The following AGBL1 variants were observed in gnomAD, a reference collection of about 807,000 sequenced individuals.
AGBL1 encodes AGBL carboxypeptidase 1.
Under a neutral mutation model 118.9 loss-of-function variants are expected in AGBL1, and 130 were observed. That is an observed-to-expected ratio of 1.09 (90% CI 0.95 to 1.26). AGBL1 has a LOEUF of 1.26. AGBL1 is among the 50% of genes most tolerant of loss of function. AGBL1 has a pLI of 0.00. For missense variants in AGBL1, 1,584 were observed against 1,298.1 expected (o/e 1.22, Z -3.38); for synonymous variants, 555 against 478.9 (o/e 1.16, Z -2.08).
At chr15:86,348,769 C>A (rs138819041) in intron 17 of AGBL1, among the ~76,000 whole-genome samples, 84 of 122,660 alleles carry the variant, frequency 6.8e-4, no homozygotes, top group African/African-American at 2.8e-3. Context: ...CAGAGCGCGA[C>A]TGTCTCAAAA....
Position 86,195,733 on chromosome 15 carries a change from G to A in AGBL1, c.489-29181G>A, listed in dbSNP as rs534652369. ...ACTTTTGGCAAAACGTGGTTTAAAT[G>A]GCAACTAAACCACAGAGCAGGATAG... On this transcript the variant is annotated intron_variant, in intron 5 of 22. Transcript: ENST00000614907. Among the ~76,000 whole-genome samples, 6 of 152,220 alleles carry A rather than the reference G, an allele frequency of 3.9e-5. No individual in the cohort carries two copies. The South Asian group carries it at 1.2e-3, about 32-fold the overall frequency.
chr15:86,580,880 C>A (rs547608080), intron 21 of AGBL1, among the ~76,000 whole-genome samples: 1 of 152,010 alleles, frequency 6.6e-6, no homozygotes, highest in East Asian at 1.9e-4. Context: ...TGCTTTGAAG[C>A]CTTCATGCTT....
intron 18 of AGBL1, among the ~76,000 whole-genome samples, chr15:86,507,602 G>A (rs4435233): frequency 0.42 from 64,077 of 151,928 alleles, 14,804 homozygotes; most frequent in East Asian, 0.68. Context: ...TTGGAAAATA[G>A]AGGGTAATGA....
intron 18 of AGBL1, among the ~76,000 whole-genome samples, chr15:86,464,905 T>C (rs887370500): frequency 6.6e-6 from 1 of 152,144 alleles, no homozygotes; most frequent in African/African-American, 2.4e-5. Flanking sequence ...AATTTTCTTT[T>C]TCTTGGTGGT....
chr15:86,472,816 G>A (rs571606957), intron 18 of AGBL1, among the ~76,000 whole-genome samples: 65 of 152,270 alleles, frequency 4.3e-4, no homozygotes, highest in Non-Finnish European at 7.5e-4. Flanking sequence ...CTACTTGGGA[G>A]GCTGAGGCAG....
chr15:86,164,164 C>G (rs2077305337), intron 5 of AGBL1, among the ~76,000 whole-genome samples: 1 of 152,230 alleles, frequency 6.6e-6, no homozygotes, highest in Non-Finnish European at 1.5e-5. Context: ...CATGTGGGGA[C>G]AGCATTCACA....
chr15:86,358,522 T>C (rs2080756362), intron 17 of AGBL1, among the ~76,000 whole-genome samples: 1 of 152,120 alleles, frequency 6.6e-6, no homozygotes, highest in Admixed American at 6.5e-5. Context: ...GATCCTGATT[T>C]CCTTTCCTGT....
At chr15:86,239,299 A>C (rs929682096) in intron 6 of AGBL1, among the ~76,000 whole-genome samples, 2 of 152,236 alleles carry the variant, frequency 1.3e-5, no homozygotes, top group Non-Finnish European at 2.9e-5. Context: ...GTTTATTGAA[A>C]TGTATCTATT....
At chr15:86,727,602 A>T (rs1027631164) in intron 22 of AGBL1, among the ~76,000 whole-genome samples, 5 of 152,198 alleles carry the variant, frequency 3.3e-5, no homozygotes, top group Admixed American at 2.6e-4. Flanking sequence ...TTCAAACTCA[A>T]ATGTAAAGAA....
intron 21 of AGBL1, among the ~76,000 whole-genome samples, chr15:86,661,221 G>T (rs1338199967): frequency 2.0e-5 from 3 of 152,070 alleles, no homozygotes; most frequent in Non-Finnish European, 4.4e-5. Context: ...ATTGGGGATT[G>T]ACATTTCTTA....
chr15:86,490,858 G>A (rs2082769109), intron 18 of AGBL1, among the ~76,000 whole-genome samples: 1 of 152,034 alleles, frequency 6.6e-6, no homozygotes, highest in South Asian at 2.1e-4. Context: ...CAGATTCCAA[G>A]TCTCTTGCCA....
intron 21 of AGBL1, among the ~76,000 whole-genome samples, chr15:86,593,021 CCCTT>C (rs1284498014): frequency 6.6e-6 from 1 of 152,134 alleles, no homozygotes; most frequent in Non-Finnish European, 1.5e-5. Context: ...GAAAACCTCT[CCCTT>C]TATCTCTATC....
chr15:86,843,797 C>T (rs940186631), intron 22 of AGBL1, among the ~76,000 whole-genome samples: 1 of 152,068 alleles, frequency 6.6e-6, no homozygotes, highest in Non-Finnish European at 1.5e-5. Context: ...TGATTTTTAG[C>T]AAATGTATGT....
chr15:86,264,764 AT>A lies in AGBL1; in HGVS notation c.1596del (p.Pro533LeufsTer41). 1 of 1,614,040 alleles carries A rather than the reference AT, an allele frequency of 6.2e-7. No homozygotes were observed. The highest frequency in any genetic ancestry group is 2.2e-5 in the East Asian group (1 of 44,878). Reference protein sequence around the residue: ...SSVVDFKMMAFPDVWGHCPPP... With the variant: ...SSVVDFKMMAXPDVWGHCPPP... ...CTGTGGTGGACTTCAAGATGATGGC[AT>A]TTCCTGATGTCTGGGGACACTGTCC... On this transcript the variant is annotated frameshift_variant, in exon 11 of 23. Coordinates refer to ENST00000614907, the MANE Select transcript of AGBL1 (RefSeq NM_001386094.1). LOFTEE classifies it high-confidence loss of function.
At chr15:86,934,646 A>G (rs925514592) in intron 23 of AGBL1, among the ~76,000 whole-genome samples, 7 of 152,120 alleles carry the variant, frequency 4.6e-5, no homozygotes, top group Admixed American at 2.6e-4. Context: ...TACAGGGTCA[A>G]TAGGATGTCA....
intron 5 of AGBL1, among the ~76,000 whole-genome samples, chr15:86,219,551 A>T (rs2078245212): frequency 6.6e-6 from 1 of 151,964 alleles, no homozygotes; most frequent in African/African-American, 2.4e-5. Flanking sequence ...TTCAAACCCA[A>T]GCCCTCTAAT....
rs2085279648 is a variant in AGBL1 at position 86,646,362 on chromosome 15, G to GTCCT, written c.2995-27911_2995-27910insTCCT. The stretch of plus-strand genomic sequence containing the variant: ...CTATTAGCAGGTTTCCTGAAAATAG[G>GTCCT]AATGTTAGACCCTAGACAGTCCTTC... On this transcript the variant is annotated intron_variant, in intron 21 of 22. Transcript: ENST00000614907. 7.2e-5 allele frequency among the ~76,000 whole-genome samples: 11 copies of GTCCT among 152,278 alleles called. No homozygotes were observed. The South Asian group carries it at 2.3e-3, about 32-fold the overall frequency.
intron 16 of AGBL1, among the ~76,000 whole-genome samples, chr15:86,284,627 G>C (rs1358321021): frequency 6.6e-6 from 1 of 152,154 alleles, no homozygotes; most frequent in Non-Finnish European, 1.5e-5. Flanking sequence ...AATAAAGTAG[G>C]CCATCTCCTT....
In AGBL1 at chr15:86,915,725, G is replaced by C. The variant is rs1953106801; in HGVS notation, c.*8431G>C. 2 of 152,176 alleles carry C rather than the reference G, an allele frequency of 1.3e-5. No individual in the cohort carries two copies. The highest frequency in any genetic ancestry group is 2.4e-5 in the African/African-American group (1 of 41,434). 9.4% of individuals were successfully genotyped at this position (152,176 alleles called of 1,614,324 possible). On this transcript the variant is annotated 3_prime_UTR_variant, in exon 23 of 23. Transcript: ENST00000614907. ...TTCACTGCTACATCCTGAGAGCCTA[G>C]CATCGTGCCCAAGATGTGGTGGGAC...
Sources: gnomAD v4.1 joint callset for allele counts (sites outside exome capture counted in the v4.1 genomes callset) on GRCh38, gnomAD v4.1.1 for gene constraint, MANE v1.5 for transcripts, NCBI Gene and HGNC (gene_info 2026-07-23, HGNC 2026-07-21) for gene names.